Variants in TPD52L1 observed in about 807,000 individuals in gnomAD.
TPD52L1 encodes the protein TPD52 like 1.
A neutral mutation model predicts 28.7 loss-of-function variants in TPD52L1; 18 were observed. The ratio of observed to expected loss-of-function variants is 0.63; its 90% CI spans 0.43 to 0.93. The LOEUF (loss-of-function observed/expected upper bound fraction) is 0.93. TPD52L1 is among the 40% of genes least tolerant of loss of function. The pLI is 0.00. For missense variants in TPD52L1, 203 were observed against 254.8 expected, an observed-to-expected ratio of 0.80 and a Z score of 1.39; for synonymous variants, 75 against 88.8, an observed-to-expected ratio of 0.84 and a Z score of 0.88.
intron 2 of TPD52L1, among the ~76,000 whole-genome samples, chr6:125,228,310 A>G (rs1795739158): frequency 6.6e-6 from 1 of 152,222 alleles, no homozygotes; most frequent in African/African-American, 2.4e-5. Flanking sequence ...CTTCACGGGT[A>G]GATACATATG....
At chr6:125,252,393 C>T (rs1026795751) in intron 4 of TPD52L1, 1 of 214,924 alleles carries the variant, frequency 4.7e-6, no homozygotes, top group South Asian at 1.8e-4. Flanking sequence ...TCTGAAACTT[C>T]TAGAAAGTAA....
chr6:125,219,072 G>A (rs147806819), intron 1 of TPD52L1, among the ~76,000 whole-genome samples: 39 of 152,064 alleles, frequency 2.6e-4, no homozygotes, highest in African/African-American at 8.4e-4. Context: ...CAGGCCGGTG[G>A]GAGTTTCTCC....
chr6:125,189,494 T>C (rs1562249266), intron 1 of TPD52L1, among the ~76,000 whole-genome samples: 1 of 152,234 alleles, frequency 6.6e-6, no homozygotes, highest in Non-Finnish European at 1.5e-5. Context: ...GTGGCCTCTT[T>C]TACAATATAC....
chr6:125,181,878 C>T (rs903873346), intron 1 of TPD52L1, among the ~76,000 whole-genome samples: 1 of 152,184 alleles, frequency 6.6e-6, no homozygotes, highest in Non-Finnish European at 1.5e-5. Context: ...ACTGACTCCA[C>T]GAACCAAGGT....
chr6:125,263,030 C>A lies in TPD52L1; in HGVS notation c.*68C>A. 6.7e-7 allele frequency: 1 copy of A among 1,503,512 alleles called. No individual in the cohort carries two copies. Among genetic ancestry groups the A allele is most frequent in the Non-Finnish European group, 8.9e-7 (1 of 1,127,184 alleles). The allele number at this position is 1,503,512 out of a possible 1,614,324, so 93.1% of individuals were successfully genotyped here. A position where few individuals can be genotyped will look rare whatever the true frequency, so the allele number is the denominator to read the frequency against. Reference sequence around the variant, plus strand: ...CAGCCCATCTCTGCCTGTGCTTATCCAGATAAGAAGACCAAAATCCCGCTG... The same window carrying A: ...CAGCCCATCTCTGCCTGTGCTTATCAAGATAAGAAGACCAAAATCCCGCTG... On this transcript the variant is annotated 3_prime_UTR_variant, in exon 7 of 7. Coordinates refer to ENST00000534000, the MANE Select transcript of TPD52L1 (RefSeq NM_003287.4).
At chr6:125,161,749 G>C (rs368193866) in intron 1 of TPD52L1, among the ~76,000 whole-genome samples, 1 of 152,236 alleles carries the variant, frequency 6.6e-6, no homozygotes. Context: ...AAACAATTCT[G>C]ATGGTAACAT....
chr6:125,252,184 T>C, intron 4 of TPD52L1: 1 of 811,208 alleles, frequency 1.2e-6, no homozygotes, highest in South Asian at 1.8e-5. Flanking sequence ...GGAAGATAGT[T>C]TATAGGGCAC....
At chr6:125,237,953 C>T (rs1348900241) in intron 3 of TPD52L1, among the ~76,000 whole-genome samples, 1 of 152,198 alleles carries the variant, frequency 6.6e-6, no homozygotes, top group Non-Finnish European at 1.5e-5. Flanking sequence ...AGCCACGACG[C>T]CCAGGCTTGA....
intron 2 of TPD52L1, among the ~76,000 whole-genome samples, chr6:125,227,140 T>C (rs769905423): frequency 5.9e-5 from 9 of 152,170 alleles, no homozygotes; most frequent in Non-Finnish European, 1.0e-4. Flanking sequence ...TCTGTGAACA[T>C]AAAGAAATGG....
chr6:125,165,674 G>A (rs2114756779), intron 1 of TPD52L1, among the ~76,000 whole-genome samples: 1 of 152,200 alleles, frequency 6.6e-6, no homozygotes, highest in Middle Eastern at 3.4e-3. Context: ...TCTAAAATAT[G>A]GAAAACTCTT....
chr6:125,244,451 C>T (rs1388177550), intron 3 of TPD52L1, among the ~76,000 whole-genome samples: 1 of 152,188 alleles, frequency 6.6e-6, no homozygotes, highest in African/African-American at 2.4e-5. Context: ...TACCTCAGCT[C>T]TCCTGCCAGG....
chr6:125,178,091 A>G (rs939149460), intron 1 of TPD52L1, among the ~76,000 whole-genome samples: 1 of 152,228 alleles, frequency 6.6e-6, no homozygotes, highest in African/African-American at 2.4e-5. Context: ...TAGTCTCTCA[A>G]TAGACCATAT....
intron 1 of TPD52L1, among the ~76,000 whole-genome samples, chr6:125,192,321 C>CTT (rs35571452): frequency 6.9e-4 from 99 of 142,558 alleles, no homozygotes; most frequent in Admixed American, 3.9e-3. Flanking sequence ...CAAAAAAAAT[C>CTT]TTTTTTTTTT....
At chr6:125,253,957 C>T in intron 5 of TPD52L1, 2 of 752,586 alleles carry the variant, frequency 2.7e-6, no homozygotes, top group Middle Eastern at 2.3e-4. Flanking sequence ...TCTAGTCTTT[C>T]CTGTGTGATC....
intron 3 of TPD52L1, 60 bp downstream of exon 3, chr6:125,229,326 G>T: frequency 6.8e-7 from 1 of 1,466,712 alleles, no homozygotes; most frequent in Admixed American, 2.5e-5. Flanking sequence ...ACTCTGTTGT[G>T]TTTTGTTTCA....
intron 1 of TPD52L1, among the ~76,000 whole-genome samples, chr6:125,216,895 T>G (rs1407160564): frequency 1.3e-5 from 2 of 152,102 alleles, no homozygotes; most frequent in African/African-American, 4.8e-5. Context: ...TACCAGGGAC[T>G]CAAGAGAAGG....
intron 3 of TPD52L1, among the ~76,000 whole-genome samples, chr6:125,236,583 G>C (rs933702774): frequency 6.6e-6 from 1 of 151,972 alleles, no homozygotes; most frequent in African/African-American, 2.4e-5. Context: ...TTAAATATTG[G>C]GTCTAATTGT....
Position 125,220,130 on chromosome 6 carries a change from TGCTGA to T in TPD52L1, c.73_77del (p.Ala25LeufsTer3). ...GAACAGACGAAGATGCAGTAGCCAG[TGCTGA>T]CTTCTCTAGCATGCTCTCTGAGGAG... is the stretch of plus-strand genomic sequence containing the variant. On this transcript the variant is annotated frameshift_variant, in exon 2 of 7. Coordinates refer to ENST00000534000, the MANE Select transcript of TPD52L1 (RefSeq NM_003287.4). LOFTEE classifies it high-confidence loss of function. 6.2e-7 allele frequency: 1 copy of T among 1,613,918 alleles called. No individual in the cohort carries two copies. Among genetic ancestry groups the T allele is most frequent in the South Asian group, 1.1e-5 (1 of 91,088 alleles).
At chr6:125,171,771 A>G (rs971187840) in intron 1 of TPD52L1, among the ~76,000 whole-genome samples, 3 of 152,212 alleles carry the variant, frequency 2.0e-5, no homozygotes, top group African/African-American at 7.2e-5. Flanking sequence ...GACCCTGGGC[A>G]GAGGACCCAG....
Sources: gnomAD v4.1 joint callset for allele counts (sites outside exome capture counted in the v4.1 genomes callset) on GRCh38, gnomAD v4.1.1 for gene constraint, MANE v1.5 for transcripts, NCBI Gene and HGNC (gene_info 2026-07-23, HGNC 2026-07-21) for gene names.